ARAP1: variants seen among roughly 807,000 people sequenced by gnomAD.
ARAP1 encodes ArfGAP with RhoGAP domain, ankyrin repeat and PH domain 1.
In ARAP1, 76 loss-of-function variants were observed where a neutral mutation model predicts 172.2. That is an observed-to-expected ratio of 0.44 (90% CI 0.37 to 0.53). The LOEUF (loss-of-function observed/expected upper bound fraction) is 0.53, where lower values mean the gene tolerates loss of function less well. Among genes scored for constraint, ARAP1 ranks in the 20% least tolerant of loss-of-function variants. The pLI, the probability that ARAP1 is intolerant of heterozygous loss-of-function variation, is 0.00. For synonymous variants in ARAP1, 804 were observed against 803.3 expected (o/e 1.00, Z -0.01); for missense variants, 1,686 against 1,977.5 (o/e 0.85, Z 2.80).
intron 3 of ARAP1, among the ~76,000 whole-genome samples, chr11:72,724,476 C>T (rs1267618535): frequency 6.6e-6 from 1 of 152,164 alleles, no homozygotes; most frequent in African/African-American, 2.4e-5. Context: ...TTCCTCTCTA[C>T]ATGCCATGGA....
chr11:72,692,932 A>G, intron 29 of ARAP1, 147 bp from the exon 30 acceptor site: 1 of 1,054,478 alleles, frequency 9.5e-7, no homozygotes, highest in Non-Finnish European at 1.4e-6. Context: ...TTGGGAGAAC[A>G]CCTGCATGTG....
At chr11:72,686,264 C>T in intron 33 of ARAP1, 73 bp from the exon 34 acceptor site, 7 of 1,534,022 alleles carry the variant, frequency 4.6e-6, no homozygotes, top group South Asian at 1.3e-5. Context: ...TCTGCCCACC[C>T]TTCCCAGAAA....
chr11:72,688,852 T>C, intron 30 of ARAP1: 1 of 321,378 alleles, frequency 3.1e-6, no homozygotes, highest in South Asian at 3.7e-5. Flanking sequence ...CCCTGCAAAC[T>C]GGAGGACTTG....
At position 72,714,354 on chromosome 11, in the gene ARAP1, G is replaced by A. The variant is rs748537889; in HGVS notation, c.510-33C>T. 2.6e-6 allele frequency: 4 copies of A among 1,537,818 alleles called. No individual in the cohort carries two copies. The South Asian group carries it at 3.7e-5, about 14-fold the overall frequency. Reference sequence around the variant, plus strand: ...CACAACAAAAGTTGGGCATCACTAAGCAACAGAGCCAAGACTGAAACATAC... The same window carrying A: ...CACAACAAAAGTTGGGCATCACTAAACAACAGAGCCAAGACTGAAACATAC... On this transcript the variant is annotated intron_variant, in intron 3 of 34. Transcript: ENST00000393609.
rs1591180831 is a variant in ARAP1, at chr11:72,697,135, A to G, written c.3014T>C (p.Leu1005Pro). Reference sequence around the variant, plus strand: ...GCGCGCATCCTGCCGCAGGCTCTCCAGCAGCCGCTGTGTCTTCGATGTCTG... The same window carrying G: ...GCGCGCATCCTGCCGCAGGCTCTCCGGCAGCCGCTGTGTCTTCGATGTCTG... Reference protein sequence around the residue: ...CGQTSKTQRLLESLRQDARSV... With the variant: ...CGQTSKTQRLPESLRQDARSV... The change falls in exon 22 of 35, where the codon CTG (leucine) becomes CCG (proline). Residue 1005 changes from leucine (L) to proline (P), a missense_variant. Transcript: ENST00000393609. 1 of 1,606,002 alleles carries G rather than the reference A, an allele frequency of 6.2e-7. No homozygotes were observed. Among genetic ancestry groups the G allele is most frequent in the African/African-American group, 1.3e-5 (1 of 75,032 alleles).
In ARAP1 at chr11:72,712,186, C is replaced by T; in HGVS notation, c.1022+10G>A. ...GCAGAGCACAGCAGGACCCAAGAGGCCTCACTCACCCCTGCGGTGGGTTCT... is the reference window on the plus strand; with the variant it reads ...GCAGAGCACAGCAGGACCCAAGAGGTCTCACTCACCCCTGCGGTGGGTTCT... On this transcript the variant is annotated intron_variant, in intron 7 of 34. Transcript: ENST00000393609. The T allele has an allele frequency of 6.3e-7, 1 of 1,590,076 alleles. No individual in the cohort carries two copies. Among genetic ancestry groups the T allele is most frequent in the South Asian group, 1.1e-5 (1 of 89,218 alleles).
At position 72,699,092 on chromosome 11, in the gene ARAP1, A is replaced by G. The variant is rs374393082; in HGVS notation, c.2454T>C (p.Phe818=). 1.2e-6 allele frequency: 2 copies of G among 1,614,070 alleles called. No homozygotes were observed. The part of the protein sequence containing the change: ...PPDTHGFEHT[F]EVYTEGERLY... ...GCCGTTCTCCCTCCGTGTACACCTC[A>G]AAGGTGTGCTCAAAGCTGCAAATAC... The change falls in exon 18 of 35, where the codon TTT becomes TTC. Residue 818 remains phenylalanine (F), a synonymous_variant. Coordinates refer to ENST00000393609, the MANE Select transcript of ARAP1 (RefSeq NM_001040118.3). This position sits in a 1 kb window ranked among gnomAD's most constrained non-coding sequence, Gnocchi z 4.2.
chr11:72,738,721 C>G (rs1490545642), intron 1 of ARAP1, among the ~76,000 whole-genome samples: 37 of 152,146 alleles, frequency 2.4e-4, no homozygotes, highest in Admixed American at 2.4e-3. Context: ...CTGGCCAGGC[C>G]TGGGTCTACA....
chr11:72,713,001 C>A, intron 5 of ARAP1, 175 bp downstream of exon 5: 1 of 687,390 alleles, frequency 1.5e-6, no homozygotes. Context: ...TGGCCCAGAG[C>A]GCTGTGGCTA....
rs377486073 is a variant in ARAP1, at chr11:72,687,762, T to C, written c.4071-24A>G. 35 of 1,613,596 alleles carry C rather than the reference T, an allele frequency of 2.2e-5. No individual in the cohort carries two copies. The African/African-American group carries it at 2.5e-4, about 12-fold the overall frequency. On this transcript the variant is annotated intron_variant, in intron 31 of 34. Coordinates refer to ENST00000393609, the MANE Select transcript of ARAP1 (RefSeq NM_001040118.3). ...AGCTACAGAGGAAGAAGGGAGAGAGTTGGGTGTTTGACAGGCCATAGAGGC... is the reference window on the plus strand; with the variant it reads ...AGCTACAGAGGAAGAAGGGAGAGAGCTGGGTGTTTGACAGGCCATAGAGGC...
At chr11:72,694,886 C>T in intron 27 of ARAP1, 94 bp downstream of exon 27, 2 of 1,063,436 alleles carry the variant, frequency 1.9e-6, no homozygotes, top group Non-Finnish European at 2.8e-6. Flanking sequence ...TTTCACCACC[C>T]ATCCTCATGT....
intron 13 of ARAP1, chr11:72,705,280 C>G (rs900616): frequency 0.45 from 70,379 of 154,772 alleles, 16,104 homozygotes; most frequent in Non-Finnish European, 0.47. Context: ...TGTGAGTTCA[C>G]ATGAAATGGA....
rs759513471 is a variant in ARAP1, at chr11:72,725,788, AT to A, written c.509+831del. 3.8e-4 allele frequency among the ~76,000 whole-genome samples: 58 copies of A among 152,260 alleles called. No homozygotes were observed. The highest frequency in any genetic ancestry group is 7.2e-4 in the Non-Finnish European group (49 of 68,016). On this transcript the variant is annotated intron_variant, in intron 3 of 34. Coordinates refer to ENST00000393609, the MANE Select transcript of ARAP1 (RefSeq NM_001040118.3). The surrounding 1 kb of genome is among the most constrained non-coding windows in gnomAD (Gnocchi z 4.3). ...ACAGAGCCCAGCAGAGTGCCCAGCA[AT>A]AAACAAACAGGGACCAGGAGACCTC...
chr11:72,708,898 G>T (rs975548484), intron 11 of ARAP1, among the ~76,000 whole-genome samples: 1 of 152,180 alleles, frequency 6.6e-6, no homozygotes, highest in African/African-American at 2.4e-5. Context: ...TTAGCCGGGC[G>T]TGGTAGCGTG....
In ARAP1 at chr11:72,693,505, C is replaced by T. The variant is rs1297652033; in HGVS notation, c.3809-35G>A. 1.9e-6 allele frequency: 3 copies of T among 1,595,922 alleles called. No homozygotes were observed. Among genetic ancestry groups the T allele is most frequent in the Non-Finnish European group, 1.7e-6 (2 of 1,168,256 alleles). On this transcript the variant is annotated intron_variant, in intron 28 of 34. Transcript: ENST00000393609. This position sits in a 1 kb window ranked among gnomAD's most constrained non-coding sequence, Gnocchi z 4.6. Reference sequence around the variant, plus strand: ...GGGACTGGAGTGGGCACAGGCTGCACCAACCCCTACCCGGGGCTGGGTCCC... The same window carrying T: ...GGGACTGGAGTGGGCACAGGCTGCATCAACCCCTACCCGGGGCTGGGTCCC...
chr11:72,737,650 G>C (rs1178678244), intron 1 of ARAP1, among the ~76,000 whole-genome samples: 1 of 150,960 alleles, frequency 6.6e-6, no homozygotes, highest in African/African-American at 2.4e-5. Flanking sequence ...TTTGAAACAG[G>C]GTCACTCTGT....
At chr11:72,686,327 T>G (rs185424313) in intron 33 of ARAP1, 136 bp from the exon 34 acceptor site, 1 of 1,196,586 alleles carries the variant, frequency 8.4e-7, no homozygotes, top group East Asian at 2.6e-5. Flanking sequence ...CCCGCCGATA[T>G]GAGAAGCAGC....
At position 72,709,897 on chromosome 11, in the gene ARAP1, T is replaced by C. The variant is rs773505729; in HGVS notation, c.1496A>G (p.Asp499Gly). Residue 499 changes from aspartate to glycine, a missense_variant, in exon 11 of 35, where the codon GAC becomes GGC. Asp to Gly is a moderately conservative substitution (Grantham distance 94). Coordinates refer to ENST00000393609, the MANE Select transcript of ARAP1 (RefSeq NM_001040118.3). ...NVKEVDRRSF[D>G]LTTPYRIFSF... ...GAAGATGCGGTAGGGCGTGGTGAGG[T>C]CGAAGCTGCGCCGGTCCACTTCCTT... The C allele has an allele frequency of 4.3e-6, 7 of 1,613,770 alleles. No homozygotes were observed. The Admixed American group carries it at 1.2e-4, about 27-fold the overall frequency.
chr11:72,715,178 C>T (rs928175543), intron 3 of ARAP1, among the ~76,000 whole-genome samples: 1 of 152,182 alleles, frequency 6.6e-6, no homozygotes, highest in African/African-American at 2.4e-5. Context: ...TTCTGTGAAA[C>T]GGGGGCTATA....
Sources: gnomAD v4.1 joint callset for allele counts (sites outside exome capture counted in the v4.1 genomes callset) on GRCh38, gnomAD v4.1.1 for gene constraint, Gnocchi (gnomAD v3.1) non-coding constraint, MANE v1.5 for transcripts, NCBI Gene and HGNC (gene_info 2026-07-23, HGNC 2026-07-21) for gene names.